ASPHD2: variants seen among roughly 807,000 people sequenced by gnomAD.
The protein encoded by ASPHD2 is aspartate beta-hydroxylase domain containing 2, also known as aspartate beta-hydroxylase domain-containing protein 2.
A neutral mutation model predicts 34.6 loss-of-function variants in ASPHD2; 12 were observed. The ratio of observed to expected loss-of-function variants is 0.35; its 90% confidence interval spans 0.22 to 0.56. The LOEUF is 0.56. ASPHD2 is among the 20% of genes least tolerant of loss of function. The probability of loss-of-function intolerance (pLI) is 0.87; values close to 1 mark genes in which losing one functional copy is unlikely to be tolerated. For missense variants in ASPHD2, 375 were observed against 505.0 expected, an observed-to-expected ratio of 0.74 and a Z score of 2.47; for synonymous variants, 224 against 212.2, an observed-to-expected ratio of 1.06 and a Z score of -0.48.
chr22:26,434,228 CTCTACAAAGCTT>C lies in ASPHD2; in HGVS notation c.617_628del (p.Tyr206_Phe209del), dbSNP rs1357704812. On this transcript the variant is annotated inframe_deletion, in exon 2 of 4. Coordinates refer to ENST00000215906, the MANE Select transcript of ASPHD2 (RefSeq NM_020437.5). ...GACCATCCTGTGTGAGTTTGAGACC[CTCTACAAAGCTT>C]TCTCAAACTGCAGCCTCCCGCAAGG... The C allele has an allele frequency of 5.0e-6, 8 of 1,614,016 alleles. No homozygotes were observed. The highest frequency in any genetic ancestry group is 6.8e-6 in the Non-Finnish European group (8 of 1,180,028).
In ASPHD2 at chr22:26,443,903, T is replaced by A. The variant is rs1199135480; in HGVS notation, c.*697T>A. On this transcript the variant is annotated 3_prime_UTR_variant, in exon 4 of 4. Transcript: ENST00000215906. ...GGGCCAGTAGGACTGGAGGCTACTC[T>A]TTAAACATGGCTTTCCTGCAAAGCT... 6.6e-6 allele frequency: 1 copy of A among 152,282 alleles called. No individual in the cohort carries two copies. Among genetic ancestry groups the A allele is most frequent in the Non-Finnish European group, 1.5e-5 (1 of 68,062 alleles). 9.4% of individuals were successfully genotyped at this position (152,282 alleles called of 1,614,324 possible).
intron 2 of ASPHD2, among the ~76,000 whole-genome samples, chr22:26,438,486 T>G (rs1431782499): frequency 7.1e-6 from 1 of 141,304 alleles, no homozygotes; most frequent in Non-Finnish European, 1.5e-5. Flanking sequence ...TATACATATA[T>G]ATAGATACAC....
Position 26,434,176 on chromosome 22 carries a change from T to C in ASPHD2, c.561T>C (p.Asp187=), listed in dbSNP as rs1212166810. Residue 187 remains aspartate (D), a synonymous_variant, in exon 2 of 4, where the codon GAT becomes GAC. Coordinates refer to ENST00000215906, the MANE Select transcript of ASPHD2 (RefSeq NM_020437.5). ...PYFSRDAQKH[D]VEVLERNFQT... ...TCTCCCGGGACGCACAGAAACATGATGTGGAAGTGCTGGAACGGAACTTCC... is the reference window on the plus strand; with the variant it reads ...TCTCCCGGGACGCACAGAAACATGACGTGGAAGTGCTGGAACGGAACTTCC... The C allele has an allele frequency of 1.2e-6, 2 of 1,613,184 alleles. No individual in the cohort carries two copies. The highest frequency in any genetic ancestry group is 1.7e-5 in the Admixed American group (1 of 59,728).
At chr22:26,438,610 T>C (rs28688815) in intron 2 of ASPHD2, among the ~76,000 whole-genome samples, 4 of 47,014 alleles carry the variant, frequency 8.5e-5, no homozygotes, top group East Asian at 3.9e-4. Flanking sequence ...CATATATACA[T>C]ATATATATAC....
chr22:26,442,596 C>T lies in ASPHD2; in HGVS notation c.1000+24C>T, dbSNP rs868862013. The T allele has an allele frequency of 1.7e-5, 26 of 1,516,464 alleles. 1 individual carries two copies. In the Middle Eastern group the frequency reaches 3.7e-3, roughly 213 times the overall value. The allele number at this position is 1,516,464 out of a possible 1,614,324, so 93.9% of individuals were successfully genotyped here. A position where few individuals can be genotyped will look rare whatever the true frequency, so the allele number is the denominator to read the frequency against. On this transcript the variant is annotated intron_variant, in intron 3 of 3. Coordinates refer to ENST00000215906, the MANE Select transcript of ASPHD2 (RefSeq NM_020437.5). Reference sequence around the variant, plus strand: ...AGGTGAGTGGCTGCCTTTCCCACTTCCTTTTTTTCAATGAATAGACTTTTA... The same window carrying T: ...AGGTGAGTGGCTGCCTTTCCCACTTTCTTTTTTTCAATGAATAGACTTTTA...
rs994097559 is a variant in ASPHD2, at chr22:26,433,973, G to A, written c.358G>A (p.Glu120Lys). Residue 120 changes from glutamate to lysine, a missense_variant, in exon 2 of 4, where the codon GAG (glutamate) becomes AAG (lysine). Physicochemically the swap from Glu to Lys is moderately conservative, Grantham distance 56. This residue lies in a region of ASPHD2 where 223 missense variants were observed against 257.8 expected (regional missense o/e 0.87). Coordinates refer to ENST00000215906, the MANE Select transcript of ASPHD2 (RefSeq NM_020437.5). This position sits in a 1 kb window ranked among gnomAD's most constrained non-coding sequence, Gnocchi z 5.1. The stretch of plus-strand genomic sequence containing the variant: ...TGAGTGCGTGCGCTGCACCCACAAC[G>A]AGGGCCTCAACCAGAAGCTGTACCA... ...SPECVRCTHN[E>K]GLNQKLYHNL... 3.7e-6 allele frequency: 6 copies of A among 1,613,316 alleles called. No individual in the cohort carries two copies. The African/African-American group carries it at 4.0e-5, about 11-fold the overall frequency.
intron 2 of ASPHD2, among the ~76,000 whole-genome samples, chr22:26,439,263 G>A (rs967837572): frequency 2.6e-5 from 4 of 152,102 alleles, no homozygotes; most frequent in African/African-American, 9.7e-5. Flanking sequence ...GCTGGGCACG[G>A]TAGTGCACAC....
intron 2 of ASPHD2, among the ~76,000 whole-genome samples, chr22:26,440,278 G>T (rs59012367): frequency 0.91 from 139,035 of 152,072 alleles, 63,812 homozygotes; most frequent in Non-Finnish European, 0.95. Flanking sequence ...CCACTGGCCG[G>T]TTGAAGCATA....
rs567368649 is a variant in ASPHD2, at chr22:26,438,696, T to C, written c.887-3763T>C. ...ACATACATACACACACACACACACA[T>C]ATATATATAAAGGGGAGTTTATTAA... is the stretch of plus-strand genomic sequence containing the variant. On this transcript the variant is annotated intron_variant, in intron 2 of 3. Transcript: ENST00000215906. Among the ~76,000 whole-genome samples the C allele has an allele frequency of 5.7e-4, 84 of 147,262 alleles. 1 individual carries two copies. Among genetic ancestry groups the C allele is most frequent in the African/African-American group, 1.8e-3 (71 of 39,960 alleles).
rs142068213 is a variant in ASPHD2, at chr22:26,435,148, C to G, written c.886+647C>G. ...CATCTTGGCCCCACCACGAGCTGTG[C>G]TACTGTAGGCAAGTCATTTCACCTC... is the stretch of plus-strand genomic sequence containing the variant. On this transcript the variant is annotated intron_variant, in intron 2 of 3. Coordinates refer to ENST00000215906, the MANE Select transcript of ASPHD2 (RefSeq NM_020437.5). Among the ~76,000 whole-genome samples the G allele has an allele frequency of 1.9e-3, 296 of 152,280 alleles. 1 individual carries two copies. Among genetic ancestry groups the G allele is most frequent in the African/African-American group, 6.9e-3 (285 of 41,544 alleles).
intron 2 of ASPHD2, among the ~76,000 whole-genome samples, chr22:26,438,518 T>TATATACACATAC (rs879674285): frequency 0.069 from 7,204 of 104,418 alleles, 1,095 homozygotes; most frequent in African/African-American, 0.15. Flanking sequence ...TATACATACA[T>TATATACACATAC]ATATATACAT....
rs144550811 is a variant in ASPHD2, at chr22:26,434,573, G to A, written c.886+72G>A. 412 of 1,480,350 alleles carry A rather than the reference G, an allele frequency of 2.8e-4. 4 individuals are homozygous for A. In the East Asian group the frequency reaches 9.3e-3, roughly 33 times the overall value. The allele number at this position is 1,480,350 out of a possible 1,614,324, so 91.7% of individuals were successfully genotyped here. On this transcript the variant is annotated intron_variant, in intron 2 of 3. Coordinates refer to ENST00000215906, the MANE Select transcript of ASPHD2 (RefSeq NM_020437.5). ...CAGCCCCTCTCCATCAAAACATCGC[G>A]AAAGCTCAAATGGTCAGAATTGCGC...
At chr22:26,440,668 A>G (rs2084830407) in intron 2 of ASPHD2, among the ~76,000 whole-genome samples, 1 of 152,044 alleles carries the variant, frequency 6.6e-6, no homozygotes, top group Non-Finnish European at 1.5e-5. Flanking sequence ...CTGCCAGTCT[A>G]TTTCCTCTTG....
chr22:26,429,499 TC>T lies in ASPHD2; in HGVS notation c.-225+15del, dbSNP rs949306453. 6.7e-6 allele frequency: 1 copy of T among 149,784 alleles called. No homozygotes were observed. The highest frequency in any genetic ancestry group is 2.4e-5 in the African/African-American group (1 of 40,936). 9.3% of individuals were successfully genotyped at this position (149,784 alleles called of 1,614,324 possible). ...CGCCCGGGCGCAGGTAAGCTTCGTC[TC>T]CGGGGGCTGCCGGGGCGGGAGGGCG... On this transcript the variant is annotated intron_variant, in intron 1 of 3. Coordinates refer to ENST00000215906, the MANE Select transcript of ASPHD2 (RefSeq NM_020437.5). The surrounding 1 kb of genome is among the most constrained non-coding windows in gnomAD (Gnocchi z 4.5).
intron 3 of ASPHD2, 71 bp from the exon 4 acceptor site, chr22:26,443,026 C>G: frequency 8.7e-7 from 1 of 1,148,706 alleles, no homozygotes; most frequent in Non-Finnish European, 1.3e-6. Flanking sequence ...TAGGGTCCAG[C>G]CCTGCCTGGA....
chr22:26,433,954 C>T lies in ASPHD2; in HGVS notation c.339C>T (p.Cys113=), dbSNP rs779051186. 10 of 1,613,344 alleles carry T rather than the reference C, an allele frequency of 6.2e-6. No homozygotes were observed. The Admixed American group carries it at 1.2e-4, about 19-fold the overall frequency. Residue 113 remains cysteine (C), a synonymous_variant, in exon 2 of 4, where the codon TGC becomes TGT. Coordinates refer to ENST00000215906, the MANE Select transcript of ASPHD2 (RefSeq NM_020437.5). The surrounding 1 kb of genome is among the most constrained non-coding windows in gnomAD (Gnocchi z 5.1). ...ACGTGTACTGCCAGTCCCCTGAGTG[C>T]GTGCGCTGCACCCACAACGAGGGCC... ...NGYVYCQSPE[C]VRCTHNEGLN...
At chr22:26,434,894 G>A (rs2084781194) in intron 2 of ASPHD2, among the ~76,000 whole-genome samples, 1 of 152,150 alleles carries the variant, frequency 6.6e-6, no homozygotes, top group African/African-American at 2.4e-5. Flanking sequence ...CTACCGTATG[G>A]GGACAGTGTC....
At chr22:26,438,572 CAT>C (rs199542081) in intron 2 of ASPHD2, among the ~76,000 whole-genome samples, 30,275 of 125,988 alleles carry the variant, frequency 0.24, 5,246 homozygotes, top group East Asian at 0.39. Flanking sequence ...TATACACATA[CAT>C]ATATATACAT....
At chr22:26,438,652 C>CATATATATATATATACACATACAT (rs143431842) in intron 2 of ASPHD2, among the ~76,000 whole-genome samples, 10 of 122,568 alleles carry the variant, frequency 8.2e-5, no homozygotes, top group Admixed American at 4.9e-4. Context: ...TATACACATA[C>CATATATATATATATACACATACAT]ATATATATAT....
Sources: gnomAD v4.1 joint callset for allele counts (sites outside exome capture counted in the v4.1 genomes callset) on GRCh38, gnomAD v4.1.1 for gene constraint, gnomAD v4.1.1 regional missense constraint, Gnocchi (gnomAD v3.1) non-coding constraint, MANE v1.5 for transcripts, NCBI Gene and HGNC (gene_info 2026-07-23, HGNC 2026-07-21) for gene names.